Variants in KCNU1 observed in about 807,000 individuals in gnomAD.
The protein encoded by KCNU1 is potassium calcium-activated channel subfamily U member 1, also known as potassium channel subfamily U member 1.
Under a neutral mutation model 126.8 loss-of-function variants are expected in KCNU1, and 93 were observed. That is an observed-to-expected ratio of 0.73 (90% CI 0.62 to 0.87). The LOEUF (loss-of-function observed/expected upper bound fraction) is 0.87. KCNU1 is among the 40% of genes least tolerant of loss of function. The pLI, the probability that KCNU1 is intolerant of heterozygous loss-of-function variation, is 0.00. For missense variants in KCNU1, 1,330 were observed against 1,367.1 expected (o/e 0.97, Z 0.43); for synonymous variants, 523 against 494.2 (o/e 1.06, Z -0.77).
intron 23 of KCNU1, among the ~76,000 whole-genome samples, chr8:36,920,044 C>T (rs1188957674): frequency 1.3e-4 from 20 of 152,168 alleles, no homozygotes; most frequent in Admixed American, 1.0e-3. Context: ...TAGTACCTGC[C>T]TGCCTATTTG....
intron 25 of KCNU1, 88 bp from the exon 26 acceptor site, chr8:36,932,832 C>A: frequency 1.4e-6 from 1 of 734,430 alleles, no homozygotes; most frequent in South Asian, 1.6e-5. Flanking sequence ...CTTCTACTAC[C>A]AGATAAAGCA....
rs537540038 is a variant in KCNU1, at chr8:36,832,655, G to A, written c.1107-899G>A. On this transcript the variant is annotated intron_variant, in intron 10 of 26. Transcript: ENST00000399881. ...ACTTTACAAAACTTTTGCCTATTAT[G>A]CTAGGTTATTTTTCAAAGAACTGAC... Among the ~76,000 whole-genome samples the A allele has an allele frequency of 2.4e-4, 36 of 151,760 alleles. No individual in the cohort carries two copies. In the South Asian group the frequency reaches 6.9e-3, roughly 29 times the overall value.
chr8:36,839,997 T>TGAA (rs1231591928), intron 14 of KCNU1, among the ~76,000 whole-genome samples: 1 of 152,258 alleles, frequency 6.6e-6, no homozygotes, highest in Non-Finnish European at 1.5e-5. Flanking sequence ...TTTGAACTTA[T>TGAA]GAAGGGTTCT....
intron 24 of KCNU1, among the ~76,000 whole-genome samples, chr8:36,926,418 C>T (rs747949070): frequency 1.3e-5 from 2 of 152,020 alleles, no homozygotes; most frequent in Non-Finnish European, 2.9e-5. Flanking sequence ...CCCTGCCTTG[C>T]CCACCCACAT....
chr8:36,791,401 A>G (rs1466219168), intron 2 of KCNU1, among the ~76,000 whole-genome samples: 1 of 152,166 alleles, frequency 6.6e-6, no homozygotes, highest in African/African-American at 2.4e-5. Context: ...TAGCAAATGT[A>G]TCTATTTTTA....
intron 22 of KCNU1, among the ~76,000 whole-genome samples, chr8:36,917,524 T>A (rs1246211854): frequency 6.6e-6 from 1 of 151,446 alleles, no homozygotes; most frequent in Non-Finnish European, 1.5e-5. Context: ...CTAATTTTTT[T>A]TTTTTAATTT....
chr8:36,822,712 A>G (rs1585416897), intron 10 of KCNU1, among the ~76,000 whole-genome samples: 1 of 152,192 alleles, frequency 6.6e-6, no homozygotes, highest in South Asian at 2.1e-4. Context: ...GCAGAAAAGA[A>G]TACACAAATA....
rs962699945 is a variant in KCNU1, at chr8:36,910,870, A to T, written c.2332-60A>T. ...TCACTCACAAAGAGCCACCACCATG[A>T]GCCATGATATAACATCCCTCCATCC... On this transcript the variant is annotated intron_variant, in intron 21 of 26. Coordinates refer to ENST00000399881, the MANE Select transcript of KCNU1 (RefSeq NM_001031836.3). 75 of 1,217,500 alleles carry T rather than the reference A, an allele frequency of 6.2e-5. 1 individual carries two copies. In the African/African-American group the frequency reaches 9.7e-4, roughly 16 times the overall value. 75.4% of individuals were successfully genotyped at this position (1,217,500 alleles called of 1,614,324 possible).
chr8:36,811,520 C>T (rs1375191847), intron 7 of KCNU1, among the ~76,000 whole-genome samples: 1 of 152,136 alleles, frequency 6.6e-6, no homozygotes, highest in African/African-American at 2.4e-5. Flanking sequence ...TTTAAGCATG[C>T]AAGGGGAAAT....
chr8:36,840,468 G>A lies in KCNU1; in HGVS notation c.1524G>A (p.Met508Ile), dbSNP rs755701952. The change falls in exon 15 of 27, where the codon ATG becomes ATA. Residue 508 changes from methionine to isoleucine, a missense_variant. Met to Ile is a conservative substitution (Grantham distance 10). Coordinates refer to ENST00000399881, the MANE Select transcript of KCNU1 (RefSeq NM_001031836.3). The stretch of plus-strand genomic sequence containing the variant: ...GGCATGATTATGTATTCCAGGTTAT[G>A]CCTAAACAGACCTGGAAGAAACACT... The part of the protein sequence containing the change: ...SLFVEQNKKV[M>I]PKQTWKKHFL... The A allele has an allele frequency of 4.7e-5, 73 of 1,545,908 alleles. No homozygotes were observed. The highest frequency in any genetic ancestry group is 6.1e-5 in the Non-Finnish European group (68 of 1,119,750).
chr8:36,903,729 T>A (rs1421582365), intron 19 of KCNU1, among the ~76,000 whole-genome samples: 1 of 152,130 alleles, frequency 6.6e-6, no homozygotes, highest in Non-Finnish European at 1.5e-5. Context: ...GACTGAGTAA[T>A]TTATAAAGGA....
chr8:36,870,642 T>C (rs1806068281), intron 19 of KCNU1, among the ~76,000 whole-genome samples: 1 of 152,158 alleles, frequency 6.6e-6, no homozygotes, highest in African/African-American at 2.4e-5. Flanking sequence ...ACTGATCAGA[T>C]GAGATTATCT....
chr8:36,816,861 T>G (rs575096933), intron 9 of KCNU1, among the ~76,000 whole-genome samples: 25 of 152,172 alleles, frequency 1.6e-4, no homozygotes, highest in Non-Finnish European at 2.9e-4. Context: ...TGAAACAATC[T>G]GGAATGTGGT....
intron 19 of KCNU1, among the ~76,000 whole-genome samples, chr8:36,902,521 G>A (rs1308002480): frequency 2.0e-5 from 3 of 152,066 alleles, no homozygotes; most frequent in Non-Finnish European, 4.4e-5. Context: ...GCAGACAGCA[G>A]GGAACCACCT....
chr8:36,805,676 T>C (rs745542271), intron 4 of KCNU1, among the ~76,000 whole-genome samples: 13 of 152,136 alleles, frequency 8.5e-5, no homozygotes, highest in Non-Finnish European at 1.8e-4. Context: ...GTATCTTTGT[T>C]TCATTTTGTT....
At chr8:36,799,683 C>T (rs987782747) in intron 2 of KCNU1, among the ~76,000 whole-genome samples, 9 of 150,014 alleles carry the variant, frequency 6.0e-5, no homozygotes, top group Middle Eastern at 3.2e-3. Flanking sequence ...TACAGGCACA[C>T]GCCACCACAC....
Position 36,879,209 on chromosome 8 carries a change from G to GTATATATATATATATATA in KCNU1, c.2009+14689_2009+14690insATATATATATATATATAT, listed in dbSNP as rs1429299814. Reference sequence around the variant, plus strand: ...TATATGTATGTGTGTGTGTGTGTGTGTGTATATATATATATATATATATAT... The same window carrying GTATATATATATATATATA: ...TATATGTATGTGTGTGTGTGTGTGTGTATATATATATATATATATGTATATATATATATATATATATAT... On this transcript the variant is annotated intron_variant, in intron 19 of 26. Coordinates refer to ENST00000399881, the MANE Select transcript of KCNU1 (RefSeq NM_001031836.3). 7.9e-3 allele frequency among the ~76,000 whole-genome samples: 681 copies of GTATATATATATATATATA among 86,316 alleles called. 4 individuals carry two copies. Among genetic ancestry groups the GTATATATATATATATATA allele is most frequent in the Non-Finnish European group, 0.011 (486 of 44,788 alleles). 56.6% of individuals were successfully genotyped at this position (86,316 alleles called of 152,430 possible). A position where few individuals can be genotyped will look rare whatever the true frequency, so the allele number is the denominator to read the frequency against.
At chr8:36,837,639 C>T (rs772826375) in intron 14 of KCNU1, among the ~76,000 whole-genome samples, 25 of 152,304 alleles carry the variant, frequency 1.6e-4, no homozygotes, top group East Asian at 1.4e-3. Flanking sequence ...CACACAATGT[C>T]TCACATCAAG....
At chr8:36,933,451 G>C (rs1342458643) in intron 26 of KCNU1, among the ~76,000 whole-genome samples, 5 of 152,034 alleles carry the variant, frequency 3.3e-5, no homozygotes, top group African/African-American at 1.2e-4. Context: ...TGCTAGCCAT[G>C]GTGCTTTTTA....
Sources: allele counts gnomAD v4.1 joint callset (sites outside exome capture counted in the v4.1 genomes callset), GRCh38; gene constraint gnomAD v4.1.1; transcripts MANE v1.5; gene names NCBI Gene and HGNC (gene_info 2026-07-23, HGNC 2026-07-21).